Variants in PRRC2B observed in about 807,000 individuals in gnomAD.
PRRC2B encodes protein PRRC2B.
Under a neutral mutation model 242.3 loss-of-function variants are expected in PRRC2B, and 68 were observed. That is an observed-to-expected ratio of 0.28 (90% confidence interval 0.23 to 0.34). PRRC2B has a LOEUF of 0.34. Among genes scored for constraint, PRRC2B ranks in the 10% least tolerant of loss-of-function variants. The pLI is 1.00. For missense variants in PRRC2B, 2,835 were observed against 2,954.8 expected (o/e 0.96, Z 0.94); for synonymous variants, 1,228 against 1,173.6 (o/e 1.05, Z -0.95).
intron 28 of PRRC2B, among the ~76,000 whole-genome samples, chr9:131,489,309 C>T (rs976509388): frequency 2.0e-5 from 3 of 151,720 alleles, no homozygotes; most frequent in Non-Finnish European, 4.4e-5. Context: ...GCCTCAGCCT[C>T]CCGAGTAGCT....
rs369155795 is a variant in PRRC2B at position 131,430,275 on chromosome 9, G to A, written c.115+16G>A. ...AGATCCTCAGGTAAGGCCCAGGGTT[G>A]AAGGCCAGTTCCTCAAACTTTCTCC... On this transcript the variant is annotated intron_variant, in intron 2 of 31. Coordinates refer to ENST00000683519, the MANE Select transcript of PRRC2B (RefSeq NM_013318.4). 6 of 1,474,788 alleles carry A rather than the reference G, an allele frequency of 4.1e-6. No individual in the cohort carries two copies. The highest frequency in any genetic ancestry group is 3.4e-4 in the Middle Eastern group (2 of 5,838). The allele number at this position is 1,474,788 out of a possible 1,614,324, so 91.4% of individuals were successfully genotyped here. A position where few individuals can be genotyped will look rare whatever the true frequency, so the allele number is the denominator to read the frequency against.
At chr9:131,442,636 G>A (rs1225263264) in intron 5 of PRRC2B, among the ~76,000 whole-genome samples, 1 of 152,176 alleles carries the variant, frequency 6.6e-6, no homozygotes, top group African/African-American at 2.4e-5. Flanking sequence ...GAACAGGCCC[G>A]TGGATCAGTG....
chr9:131,459,821 G>T (rs1943189956), intron 11 of PRRC2B, among the ~76,000 whole-genome samples: 1 of 152,030 alleles, frequency 6.6e-6, no homozygotes, highest in African/African-American at 2.4e-5. Context: ...TTATAGGCAT[G>T]AGGCACTGTA....
Position 131,439,015 on chromosome 9 carries a change from A to G in PRRC2B, c.423A>G (p.Pro141=), listed in dbSNP as rs1838466710. Residue 141 remains proline, a synonymous_variant, in exon 5 of 32, where the codon CCA becomes CCG. Transcript: ENST00000683519. The part of the protein sequence containing the change: ...QENTNSVPGG[P]KSWAQLNGKP... ...ATACAAATTCAGTGCCAGGTGGACC[A>G]AAGTCATGGGCACAGCTGAATGGAA... The G allele has an allele frequency of 6.2e-7, 1 of 1,613,706 alleles. No homozygotes were observed. Among genetic ancestry groups the G allele is most frequent in the Non-Finnish European group, 8.5e-7 (1 of 1,179,744 alleles).
intron 3 of PRRC2B, among the ~76,000 whole-genome samples, chr9:131,434,897 C>T (rs1036380511): frequency 6.6e-6 from 1 of 152,068 alleles, no homozygotes; most frequent in Non-Finnish European, 1.5e-5. Flanking sequence ...TGGAGGGCAG[C>T]CTGGCAATCA....
At position 131,487,307 on chromosome 9, in the gene PRRC2B, A is replaced by G. The variant is rs754328136; in HGVS notation, c.5984+13A>G. ...TGCAGCCCTTCAGGTGAGCTCATGT[A>G]CCAGCTTGCGGAGCTGGCAGCTCAC... is the stretch of plus-strand genomic sequence containing the variant. On this transcript the variant is annotated intron_variant, in intron 27 of 31. Coordinates refer to ENST00000683519, the MANE Select transcript of PRRC2B (RefSeq NM_013318.4). This position sits in a 1 kb window ranked among gnomAD's most constrained non-coding sequence, Gnocchi z 5.3. The G allele has an allele frequency of 3.8e-6, 6 of 1,586,734 alleles. No homozygotes were observed. The highest frequency in any genetic ancestry group is 5.2e-6 in the Non-Finnish European group (6 of 1,163,398).
At chr9:131,479,137 A>G in intron 18 of PRRC2B, 115 bp from the exon 19 acceptor site, 1 of 1,065,576 alleles carries the variant, frequency 9.4e-7, no homozygotes. Context: ...CGTTCCACAC[A>G]TCTCTGGAGC....
intron 1 of PRRC2B, among the ~76,000 whole-genome samples, chr9:131,399,294 A>AAC (rs1161821927): frequency 1.3e-5 from 2 of 148,860 alleles, no homozygotes; most frequent in African/African-American, 5.0e-5. Flanking sequence ...AAAAAAAAAA[A>AAC]AAAGTCTGGG....
In PRRC2B at chr9:131,396,076, G is replaced by A. The variant is rs573430658; in HGVS notation, c.-52+1813G>A. 3.3e-5 allele frequency among the ~76,000 whole-genome samples: 5 copies of A among 152,332 alleles called. No homozygotes were observed. The South Asian group carries it at 8.3e-4, about 25-fold the overall frequency. ...TTACAAAGCAAGTCTCTGAGGCTCA[G>A]ATCTTGCATCTGTAAAATGGGAATA... On this transcript the variant is annotated intron_variant, in intron 1 of 31. Transcript: ENST00000683519.
At chr9:131,435,324 C>A (rs551232567) in intron 3 of PRRC2B, among the ~76,000 whole-genome samples, 2 of 142,434 alleles carry the variant, frequency 1.4e-5, no homozygotes, top group African/African-American at 5.2e-5. Context: ...AAAAAAAGTT[C>A]TTATTGTAGG....
Position 131,481,934 on chromosome 9 carries a change from G to A in PRRC2B, c.4983+126G>A, listed in dbSNP as rs1943882401. On this transcript the variant is annotated intron_variant, in intron 20 of 31. Transcript: ENST00000683519. ...CCACAGCAGCTGAGCTTGGAATTAG[G>A]TTGTTTCCATGGGGCCAAGCTCATC... 4.5e-6 allele frequency: 4 copies of A among 879,956 alleles called. No homozygotes were observed. The East Asian group carries it at 1.1e-4, about 23-fold the overall frequency. 54.5% of individuals were successfully genotyped at this position (879,956 alleles called of 1,614,324 possible).
rs563775005 is a variant in PRRC2B, at chr9:131,475,057, G to A, written c.2928G>A (p.Glu976=). 32 of 1,610,778 alleles carry A rather than the reference G, an allele frequency of 2.0e-5. No individual in the cohort carries two copies. The South Asian group carries it at 3.5e-4, about 18-fold the overall frequency. Residue 976 remains glutamate (E), a synonymous_variant, in exon 16 of 32, where the codon GAG becomes GAA. Transcript: ENST00000683519. Reference sequence around the variant, plus strand: ...AGGAGAGTACCCGGCTGGCCAAGGAGAAGGAGCAGAGCCCCACGGCAGAAA... The same window carrying A: ...AGGAGAGTACCCGGCTGGCCAAGGAAAAGGAGCAGAGCCCCACGGCAGAAA... The part of the protein sequence containing the change: ...LGEESTRLAK[E]KEQSPTAEKD...
chr9:131,380,928 C>A (rs1836752077), intron 1 of PRRC2B, among the ~76,000 whole-genome samples: 1 of 149,756 alleles, frequency 6.7e-6, no homozygotes. Context: ...GGGTACCAGA[C>A]CCTTCTCAGA....
At chr9:131,397,735 G>T (rs1837108858) in intron 1 of PRRC2B, among the ~76,000 whole-genome samples, 2 of 151,796 alleles carry the variant, frequency 1.3e-5, no homozygotes, top group South Asian at 2.1e-4. Context: ...ATGTATTTCT[G>T]AATTCAATAA....
intron 30 of PRRC2B, among the ~76,000 whole-genome samples, chr9:131,493,003 C>T (rs946089454): frequency 2.6e-5 from 4 of 152,218 alleles, no homozygotes; most frequent in Admixed American, 2.6e-4. Context: ...CCATGGTGCC[C>T]TGTGAGGTTA....
chr9:131,381,417 CTTTTT>C (rs34806343), intron 1 of PRRC2B, among the ~76,000 whole-genome samples: 6 of 102,460 alleles, frequency 5.9e-5, no homozygotes, highest in Non-Finnish European at 5.9e-5. Context: ...AGTTCTGGTT[CTTTTT>C]TTTTTTTTTT....
At chr9:131,428,023 G>A (rs1838020771) in intron 1 of PRRC2B, among the ~76,000 whole-genome samples, 1 of 152,158 alleles carries the variant, frequency 6.6e-6, no homozygotes, top group African/African-American at 2.4e-5. Context: ...CTGGGTTCAA[G>A]TGATTCTTCT....
In PRRC2B at chr9:131,455,516, T is replaced by C. The variant is rs1357942363; in HGVS notation, c.1211+350T>C. On this transcript the variant is annotated intron_variant, in intron 10 of 31. Coordinates refer to ENST00000683519, the MANE Select transcript of PRRC2B (RefSeq NM_013318.4). The stretch of plus-strand genomic sequence containing the variant: ...ACCTCCCTGGGTTCAACTTCTTTTT[T>C]TTTTTTTTTTTTTTTTTTGAGACAG... 1.1e-4 allele frequency among the ~76,000 whole-genome samples: 16 copies of C among 141,956 alleles called. No individual in the cohort carries two copies. The South Asian group carries it at 2.1e-3, about 19-fold the overall frequency. 93.1% of individuals were successfully genotyped at this position (141,956 alleles called of 152,430 possible).
intron 1 of PRRC2B, among the ~76,000 whole-genome samples, chr9:131,420,647 G>A (rs1015645077): frequency 7.3e-5 from 11 of 150,516 alleles, no homozygotes; most frequent in East Asian, 2.0e-4. Context: ...GCACTACCAC[G>A]CCCAGCTAAT....
Sources: gnomAD v4.1 joint callset for allele counts (sites outside exome capture counted in the v4.1 genomes callset) on GRCh38, gnomAD v4.1.1 for gene constraint, Gnocchi (gnomAD v3.1) non-coding constraint, MANE v1.5 for transcripts, NCBI Gene and HGNC (gene_info 2026-07-23, HGNC 2026-07-21) for gene names.